The following RYR1 variants were observed in gnomAD, a reference collection of about 807,000 sequenced individuals.
The protein encoded by RYR1 is ryanodine receptor 1, also known as central core disease of muscle.
In RYR1, 342 loss-of-function variants were observed where a neutral mutation model predicts 583.5. The ratio of observed to expected loss-of-function variants is 0.59; its 90% CI spans 0.54 to 0.64. The LOEUF (loss-of-function observed/expected upper bound fraction) is 0.64. Ranked by LOEUF, RYR1 falls within the 30% of genes least tolerant of loss-of-function variation. The pLI, the probability that RYR1 is intolerant of heterozygous loss-of-function variation, is 0.00. For synonymous variants in RYR1, 2,791 were observed against 2,822.5 expected, an observed-to-expected ratio of 0.99 and a Z score of 0.35; for missense variants, 6,032 against 6,917.2, an observed-to-expected ratio of 0.87 and a Z score of 4.54.
In RYR1 at chr19:38,485,976, C is replaced by T. The variant is rs199837883; in HGVS notation, c.5321C>T (p.Pro1774Leu). The change falls in exon 34 of 106, where the codon CCG becomes CTG. Residue 1774 changes from proline to leucine, a missense_variant. Pro to Leu is a moderately conservative substitution (Grantham distance 98). Transcript: ENST00000359596. ...GGAGTCACCACTTCGCTGAGGCCCC[C>T]GCATCATTTCTCGCCCCCCTGTTTC... ...GVGVTTSLRP[P>L]HHFSPPCFVA... is the part of the protein sequence containing the mutation. 4.9e-5 allele frequency: 79 copies of T among 1,613,640 alleles called. 1 individual carries two copies. The East Asian group carries it at 1.5e-3, about 30-fold the overall frequency.
chr19:38,528,771 C>T (rs1047479065), intron 75 of RYR1, 76 bp downstream of exon 75: 5 of 1,515,938 alleles, frequency 3.3e-6, no homozygotes, highest in Non-Finnish European at 4.6e-6. Flanking sequence ...TGGCACACCT[C>T]CAGGGGTCGG....
At chr19:38,478,929 G>A (rs931919621) in intron 31 of RYR1, among the ~76,000 whole-genome samples, 9 of 152,080 alleles carry the variant, frequency 5.9e-5, no homozygotes, top group Non-Finnish European at 1.3e-4. Context: ...CACAACAGCC[G>A]GCTAAGTTTT....
chr19:38,569,904 C>T (rs577733292), intron 93 of RYR1, among the ~76,000 whole-genome samples: 21 of 152,320 alleles, frequency 1.4e-4, no homozygotes, highest in African/African-American at 4.1e-4. Flanking sequence ...TGGCTCACAC[C>T]TATAATCCTA....
intron 97 of RYR1, among the ~76,000 whole-genome samples, chr19:38,577,411 G>A (rs566186697): frequency 2.6e-5 from 4 of 152,260 alleles, no homozygotes; most frequent in South Asian, 2.1e-4. Flanking sequence ...CTGGGATCCC[G>A]TGTTAAACAA....
At chr19:38,487,479 AAGTAGATGG>A (rs1215437765) in intron 34 of RYR1, among the ~76,000 whole-genome samples, 1 of 151,760 alleles carries the variant, frequency 6.6e-6, no homozygotes, top group Non-Finnish European at 1.5e-5. Context: ...TCAGCCTCCC[AAGTAGATGG>A]GATTACAGGT....
intron 34 of RYR1, 108 bp downstream of exon 34, chr19:38,486,310 C>T: frequency 7.5e-7 from 1 of 1,329,342 alleles, no homozygotes; most frequent in Non-Finnish European, 1.1e-6. Flanking sequence ...ACCACCCATT[C>T]ATTCCCTCCT....
At chr19:38,513,291 C>G (rs371678991) in intron 63 of RYR1, among the ~76,000 whole-genome samples, 1 of 151,842 alleles carries the variant, frequency 6.6e-6, no homozygotes, top group Admixed American at 6.6e-5. Context: ...GCACCAAGAT[C>G]GTGCCATTGC....
At chr19:38,455,855 A>C (rs187091786) in intron 16 of RYR1, 104 bp downstream of exon 16, 82 of 760,458 alleles carry the variant, frequency 1.1e-4, no homozygotes, top group East Asian at 1.5e-4. Context: ...CCTCCATCTC[A>C]TCTCTCACCT....
At chr19:38,521,295 A>G (rs965946759) in intron 67 of RYR1, among the ~76,000 whole-genome samples, 2 of 151,900 alleles carry the variant, frequency 1.3e-5, no homozygotes, top group African/African-American at 2.4e-5. Flanking sequence ...CCCTGTCTCA[A>G]TAAGGTTTGT....
chr19:38,478,553 T>A lies in RYR1; in HGVS notation c.4573T>A (p.Leu1525Ile), dbSNP rs1304798419. 6.2e-7 allele frequency: 1 copy of A among 1,613,906 alleles called. No individual in the cohort carries two copies. Among genetic ancestry groups the A allele is most frequent in the Non-Finnish European group, 8.5e-7 (1 of 1,180,046 alleles). Residue 1525 changes from leucine to isoleucine, a missense_variant, in exon 31 of 106, where the codon TTA becomes ATA. Transcript: ENST00000359596. Reference protein sequence around the residue: ...IGCLVDLATGLMTFTANGKES... With the variant: ...IGCLVDLATGIMTFTANGKES... ...GTGCCTGGTGGACTTGGCCACTGGCTTAATGACCTTTACAGCCAATGGCAA... is the reference window on the plus strand; with the variant it reads ...GTGCCTGGTGGACTTGGCCACTGGCATAATGACCTTTACAGCCAATGGCAA...
chr19:38,445,022 C>T (rs1331697588), intron 7 of RYR1, among the ~76,000 whole-genome samples: 1 of 151,908 alleles, frequency 6.6e-6, no homozygotes, highest in Non-Finnish European at 1.5e-5. Flanking sequence ...TTTGGGAGGC[C>T]GAGGCAGGTG....
chr19:38,514,755 C>T (rs1970880100), intron 63 of RYR1, among the ~76,000 whole-genome samples: 2 of 152,014 alleles, frequency 1.3e-5, no homozygotes, highest in Admixed American at 6.6e-5. Flanking sequence ...CTGTGTGCCC[C>T]GTTCTAGTGG....
intron 27 of RYR1, among the ~76,000 whole-genome samples, chr19:38,470,894 G>A (rs55741829): frequency 0.08 from 12,199 of 152,280 alleles, 634 homozygotes; most frequent in South Asian, 0.18. Context: ...AGGTGGCTGG[G>A]ACGGGGCAGT....
intron 1 of RYR1, among the ~76,000 whole-genome samples, chr19:38,438,604 G>T (rs1012185267): frequency 8.6e-5 from 12 of 138,766 alleles, no homozygotes; most frequent in Non-Finnish European, 1.5e-4. Context: ...TATGTATATT[G>T]CCCAGGCTAG....
At chr19:38,563,836 C>T (rs527708072) in intron 90 of RYR1, among the ~76,000 whole-genome samples, 142 of 152,342 alleles carry the variant, frequency 9.3e-4, no homozygotes, top group African/African-American at 3.3e-3. Flanking sequence ...CTGGAGCCAG[C>T]TCTCTGGGGG....
At position 38,543,893 on chromosome 19, in the gene RYR1, C is replaced by A. The variant is rs116792069; in HGVS notation, c.12012+18C>A. 4,044 of 1,608,388 alleles carry A rather than the reference C, an allele frequency of 2.5e-3. 75 individuals carry two copies. The African/African-American group carries it at 0.045, about 18-fold the overall frequency. ...TCGCTCAGGTTCGAGCCCCTCTGGT[C>A]TCCATCCACCTGCTTCCGGGCGTCC... is the stretch of plus-strand genomic sequence containing the variant. On this transcript the variant is annotated intron_variant, in intron 87 of 105. Transcript: ENST00000359596. The surrounding 1 kb of genome is among the most constrained non-coding windows in gnomAD (Gnocchi z 4.4).
intron 70 of RYR1, among the ~76,000 whole-genome samples, chr19:38,524,734 A>G (rs779210056): frequency 6.6e-6 from 1 of 151,968 alleles, no homozygotes; most frequent in African/African-American, 2.4e-5. Flanking sequence ...TCAGTCTCTC[A>G]GTGTCTTTTT....
At chr19:38,484,423 TCTCC>T (rs1358388442) in intron 33 of RYR1, among the ~76,000 whole-genome samples, 1 of 145,232 alleles carries the variant, frequency 6.9e-6, no homozygotes, top group African/African-American at 2.6e-5. Context: ...TTCCTTCCCC[TCTCC>T]CTCCCTCCCT....
At chr19:38,468,145 A>AC (rs1446821279) in intron 25 of RYR1, among the ~76,000 whole-genome samples, 1 of 147,148 alleles carries the variant, frequency 6.8e-6, no homozygotes, top group East Asian at 2.0e-4. Context: ...ACATAGGGAG[A>AC]CCCCATCTCT....
Sources: gnomAD v4.1 joint callset for allele counts (sites outside exome capture counted in the v4.1 genomes callset) on GRCh38, gnomAD v4.1.1 for gene constraint, Gnocchi (gnomAD v3.1) non-coding constraint, MANE v1.5 for transcripts, NCBI Gene and HGNC (gene_info 2026-07-23, HGNC 2026-07-21) for gene names.